GALNTL6: variants seen among roughly 807,000 people sequenced by gnomAD.
The protein encoded by GALNTL6 is polypeptide N-acetylgalactosaminyltransferase-like 6.
Under a neutral mutation model 73.7 loss-of-function variants are expected in GALNTL6, and 46 were observed. The ratio of observed to expected loss-of-function variants is 0.62; its 90% CI spans 0.49 to 0.80. GALNTL6 has a LOEUF of 0.80. Among genes scored for constraint, GALNTL6 ranks in the 30% least tolerant of loss-of-function variants. GALNTL6 has a pLI of 0.00. For synonymous variants in GALNTL6, 259 were observed against 263.7 expected (o/e 0.98, Z 0.17); for missense variants, 604 against 755.0 (o/e 0.80, Z 2.34).
intron 2 of GALNTL6, among the ~76,000 whole-genome samples, chr4:172,184,981 A>G (rs192717317): frequency 6.6e-6 from 1 of 152,240 alleles, no homozygotes; most frequent in Admixed American, 6.5e-5. Flanking sequence ...TTGCATTGGG[A>G]ATTAAGTTTC....
At chr4:172,678,836 C>CG (rs1480566707) in intron 5 of GALNTL6, among the ~76,000 whole-genome samples, 8 of 152,108 alleles carry the variant, frequency 5.3e-5, no homozygotes, top group Non-Finnish European at 1.2e-4. Flanking sequence ...ATTCTCCCAC[C>CG]AATGTTGAAA....
chr4:172,703,143 T>TA (rs1734127345), intron 5 of GALNTL6, among the ~76,000 whole-genome samples: 1 of 152,020 alleles, frequency 6.6e-6, no homozygotes, highest in African/African-American at 2.4e-5. Flanking sequence ...CTTATATTTT[T>TA]AAAAAATCTT....
intron 3 of GALNTL6, among the ~76,000 whole-genome samples, chr4:172,271,114 C>T (rs1738635288): frequency 6.6e-6 from 1 of 152,070 alleles, no homozygotes; most frequent in Non-Finnish European, 1.5e-5. Context: ...ACTCTATAAT[C>T]CCATGAAATG....
chr4:171,894,662 C>A (rs1293649901), intron 2 of GALNTL6, among the ~76,000 whole-genome samples: 2 of 152,120 alleles, frequency 1.3e-5, no homozygotes, highest in East Asian at 3.8e-4. Context: ...CAACCTGGCC[C>A]AACTGTTTCT....
chr4:172,390,315 T>C (rs1465362144), intron 5 of GALNTL6, among the ~76,000 whole-genome samples: 1 of 152,242 alleles, frequency 6.6e-6, no homozygotes. Flanking sequence ...GTTTAAACTT[T>C]AATTAACAGA....
At chr4:172,672,726 T>G (rs1401399009) in intron 5 of GALNTL6, among the ~76,000 whole-genome samples, 2 of 152,212 alleles carry the variant, frequency 1.3e-5, no homozygotes, top group African/African-American at 4.8e-5. Flanking sequence ...GTCCAGGGAT[T>G]CAGTTTCTTC....
chr4:172,854,792 T>G (rs1461064795), intron 7 of GALNTL6, among the ~76,000 whole-genome samples: 1 of 152,218 alleles, frequency 6.6e-6, no homozygotes, highest in African/African-American at 2.4e-5. Context: ...TATAGTGAGT[T>G]ATATGCCTCT....
chr4:172,487,343 T>TTTCCTTCTTTCC (rs1561106917), intron 5 of GALNTL6, among the ~76,000 whole-genome samples: 1 of 134,948 alleles, frequency 7.4e-6, no homozygotes, highest in African/African-American at 2.7e-5. Flanking sequence ...TCTTTCTTTC[T>TTTCCTTCTTTCC]TTCTTTCTTT....
chr4:171,962,709 T>C (rs1167120756), intron 2 of GALNTL6, among the ~76,000 whole-genome samples: 1 of 151,800 alleles, frequency 6.6e-6, no homozygotes, highest in African/African-American at 2.4e-5. Flanking sequence ...TGTAGCTGCA[T>C]TGCGTATGGA....
At chr4:172,174,145 A>C (rs1462308084) in intron 2 of GALNTL6, among the ~76,000 whole-genome samples, 1 of 152,218 alleles carries the variant, frequency 6.6e-6, no homozygotes, top group Non-Finnish European at 1.5e-5. Flanking sequence ...TAAGTTATCC[A>C]CTGAGAAAGA....
intron 5 of GALNTL6, among the ~76,000 whole-genome samples, chr4:172,523,515 C>T (rs2110824493): frequency 6.6e-6 from 1 of 152,190 alleles, no homozygotes; most frequent in African/African-American, 2.4e-5. Context: ...CAGGTGCACA[C>T]CACCTCACCC....
At chr4:172,703,173 A>G (rs1734128592) in intron 5 of GALNTL6, among the ~76,000 whole-genome samples, 1 of 151,984 alleles carries the variant, frequency 6.6e-6, no homozygotes, top group Non-Finnish European at 1.5e-5. Context: ...TATCCAATTT[A>G]GATGTTCCGT....
chr4:171,945,800 G>C (rs1381240982), intron 2 of GALNTL6, among the ~76,000 whole-genome samples: 1 of 152,050 alleles, frequency 6.6e-6, no homozygotes, highest in Non-Finnish European at 1.5e-5. Flanking sequence ...TTGATATCAG[G>C]CTCAAAATTT....
intron 4 of GALNTL6, among the ~76,000 whole-genome samples, chr4:172,340,434 G>A (rs1442009535): frequency 6.6e-6 from 1 of 152,146 alleles, no homozygotes; most frequent in Non-Finnish European, 1.5e-5. Flanking sequence ...GTTCATCAGA[G>A]ATATTGGCCT....
At chr4:171,958,249 T>C (rs1456127533) in intron 2 of GALNTL6, among the ~76,000 whole-genome samples, 5 of 152,170 alleles carry the variant, frequency 3.3e-5, no homozygotes, top group African/African-American at 1.2e-4. Flanking sequence ...TCCACAGATA[T>C]TGAAGGCTGA....
intron 2 of GALNTL6, among the ~76,000 whole-genome samples, chr4:172,195,846 C>A (rs1188520698): frequency 2.0e-5 from 3 of 151,978 alleles, no homozygotes; most frequent in Non-Finnish European, 4.4e-5. Flanking sequence ...AGAAAGATCT[C>A]AAATTGATAT....
chr4:172,150,759 C>T (rs149593269), intron 2 of GALNTL6, among the ~76,000 whole-genome samples: 1 of 152,122 alleles, frequency 6.6e-6, no homozygotes, highest in Non-Finnish European at 1.5e-5. Flanking sequence ...ATAAAAGATA[C>T]ATTGTAAAGG....
At chr4:172,069,535 A>ATGTT (rs58953734) in intron 2 of GALNTL6, among the ~76,000 whole-genome samples, 1 of 55,972 alleles carries the variant, frequency 1.8e-5, no homozygotes, top group Non-Finnish European at 3.4e-5. Flanking sequence ...TAACACATAT[A>ATGTT]TTATATATAA....
intron 7 of GALNTL6, among the ~76,000 whole-genome samples, chr4:172,880,556 A>G (rs1361907529): frequency 6.6e-6 from 1 of 152,120 alleles, no homozygotes; most frequent in East Asian, 1.9e-4. Flanking sequence ...CAAATAATGG[A>G]TAGGTCCATT....
Sources: gnomAD v4.1 joint callset for allele counts (sites outside exome capture counted in the v4.1 genomes callset) on GRCh38, gnomAD v4.1.1 for gene constraint, MANE v1.5 for transcripts, NCBI Gene and HGNC (gene_info 2026-07-23, HGNC 2026-07-21) for gene names.